The following LINGO2 variants were observed in gnomAD, a reference collection of about 807,000 sequenced individuals.
LINGO2 encodes the protein leucine rich repeat and Ig domain containing 2, also known as leucine-rich repeat and immunoglobulin-like domain-containing nogo receptor-interacting protein 2.
LINGO2 carries 14 observed loss-of-function variants against 30.6 expected under a neutral mutation model. The ratio of observed to expected loss-of-function variants is 0.46; its 90% confidence interval spans 0.30 to 0.72. The LOEUF (loss-of-function observed/expected upper bound fraction) is 0.72. LINGO2 is among the 30% of genes least tolerant of loss of function. LINGO2 has a pLI of 0.07. For synonymous variants in LINGO2, 317 were observed against 288.5 expected (o/e 1.10, Z -1.00); for missense variants, 729 against 751.7 (o/e 0.97, Z 0.35).
intron 1 of LINGO2, among the ~76,000 whole-genome samples, chr9:28,668,474 T>C (rs1450633690): frequency 6.6e-6 from 1 of 151,976 alleles, no homozygotes. Context: ...CCCATAAAAG[T>C]GAAACAAAAT....
chr9:28,716,080 G>A, the LINGO2 span, among the ~76,000 whole-genome samples: 2 of 151,272 alleles, frequency 1.3e-5, no homozygotes, highest in African/African-American at 2.4e-5. Flanking sequence ...CTGGGAGCTC[G>A]AAATAATACT....
At chr9:28,771,587 T>C in the LINGO2 span, among the ~76,000 whole-genome samples, 2 of 151,440 alleles carry the variant, frequency 1.3e-5, no homozygotes, top group Non-Finnish European at 2.9e-5. Context: ...GTAAAACCAT[T>C]TGTGAATTTT....
At chr9:28,710,543 A>C in the LINGO2 span, among the ~76,000 whole-genome samples, 1 of 152,012 alleles carries the variant, frequency 6.6e-6, no homozygotes, top group South Asian at 2.1e-4. Flanking sequence ...TGTAAAATAG[A>C]CCCTCATCAG....
intron 2 of LINGO2, among the ~76,000 whole-genome samples, chr9:28,407,039 T>C (rs1822542241): frequency 6.6e-6 from 1 of 152,136 alleles, no homozygotes; most frequent in South Asian, 2.1e-4. Context: ...AGAAAGAATA[T>C]ATGATACTAC....
At chr9:28,300,404 C>T (rs889988278) in intron 3 of LINGO2, among the ~76,000 whole-genome samples, 5 of 152,254 alleles carry the variant, frequency 3.3e-5, no homozygotes, top group African/African-American at 1.2e-4. Context: ...GGGCCTGATA[C>T]TCAAGCACAA....
At chr9:28,715,562 G>A in the LINGO2 span, among the ~76,000 whole-genome samples, 1 of 152,244 alleles carries the variant, frequency 6.6e-6, no homozygotes, top group African/African-American at 2.4e-5. Flanking sequence ...GAGCTGAGAG[G>A]TCAGGAAGAA....
the LINGO2 span, among the ~76,000 whole-genome samples, chr9:28,798,573 A>T: frequency 6.6e-6 from 1 of 152,140 alleles, no homozygotes; most frequent in African/African-American, 2.4e-5. Context: ...GTTTGAGAAG[A>T]GGGAGGAAGG....
intron 4 of LINGO2, among the ~76,000 whole-genome samples, chr9:28,166,965 A>G (rs1233615738): frequency 2.6e-5 from 4 of 152,166 alleles, no homozygotes; most frequent in Non-Finnish European, 5.9e-5. Flanking sequence ...ATGTGCAGCC[A>G]GAACTCAAAC....
chr9:28,565,295 C>T (rs1019175247), intron 1 of LINGO2, among the ~76,000 whole-genome samples: 1 of 151,434 alleles, frequency 6.6e-6, no homozygotes, highest in Non-Finnish European at 1.5e-5. Context: ...TCATGCCATT[C>T]TCCTGCCTCA....
chr9:28,328,099 T>G (rs1369792868), intron 3 of LINGO2, among the ~76,000 whole-genome samples: 1 of 151,980 alleles, frequency 6.6e-6, no homozygotes, highest in Non-Finnish European at 1.5e-5. Context: ...GTGGAGAATA[T>G]TAAAGAACAT....
chr9:28,972,998 T>C, the LINGO2 span, among the ~76,000 whole-genome samples: 2 of 150,890 alleles, frequency 1.3e-5, no homozygotes, highest in African/African-American at 2.4e-5. Flanking sequence ...GGAGACAAAA[T>C]AAAAAAGAAT....
chr9:28,778,407 G>GT, the LINGO2 span, among the ~76,000 whole-genome samples: 1 of 152,118 alleles, frequency 6.6e-6, no homozygotes, highest in Non-Finnish European at 1.5e-5. Context: ...CAAGGGAGGT[G>GT]TTGTAAGGTT....
At chr9:28,878,704 A>T in the LINGO2 span, among the ~76,000 whole-genome samples, 1 of 152,186 alleles carries the variant, frequency 6.6e-6, no homozygotes, top group Non-Finnish European at 1.5e-5. Flanking sequence ...CAATAAATGT[A>T]ATCCAGCATA....
chr9:28,377,081 A>T (rs139526113), intron 2 of LINGO2, among the ~76,000 whole-genome samples: 6 of 151,198 alleles, frequency 4.0e-5, no homozygotes, highest in African/African-American at 1.5e-4. Flanking sequence ...GTTGATTTAT[A>T]ATATTATATT....
intron 4 of LINGO2, among the ~76,000 whole-genome samples, chr9:28,101,662 G>C (rs1406976469): frequency 6.6e-6 from 1 of 152,070 alleles, no homozygotes; most frequent in Non-Finnish European, 1.5e-5. Flanking sequence ...CACGGACAAG[G>C]GAATATTTGT....
chr9:28,037,830 A>T (rs1824010994), intron 4 of LINGO2, among the ~76,000 whole-genome samples: 1 of 152,186 alleles, frequency 6.6e-6, no homozygotes, highest in East Asian at 1.9e-4. Context: ...CTCTTAAAAC[A>T]CCTATTTGGA....
the LINGO2 span, among the ~76,000 whole-genome samples, chr9:28,933,070 C>T: frequency 5.3e-5 from 8 of 152,032 alleles, no homozygotes; most frequent in African/African-American, 1.9e-4. Flanking sequence ...CCATGCCTGG[C>T]TAATTTTTGT....
the LINGO2 span, among the ~76,000 whole-genome samples, chr9:28,982,902 A>G: frequency 9.4e-3 from 1,425 of 152,126 alleles, 29 homozygotes; most frequent in African/African-American, 0.032. Flanking sequence ...ATTATAGTTT[A>G]GCTGAAATGT....
At chr9:28,867,484 G>GAA in the LINGO2 span, among the ~76,000 whole-genome samples, 4 of 104,808 alleles carry the variant, frequency 3.8e-5, no homozygotes. Flanking sequence ...TTCAAGTAAA[G>GAA]AAAAAAAAAA....
Sources: allele counts gnomAD v4.1 joint callset (sites outside exome capture counted in the v4.1 genomes callset), GRCh38; gene constraint gnomAD v4.1.1; transcripts MANE v1.5; gene names NCBI Gene and HGNC (gene_info 2026-07-23, HGNC 2026-07-21).